RAD50: variants seen among roughly 807,000 people sequenced by gnomAD.
The protein encoded by RAD50 is DNA repair protein RAD50.
Under a neutral mutation model 168.8 loss-of-function variants are expected in RAD50, and 132 were observed. The observed-to-expected ratio is 0.78, with a 90% confidence interval of 0.68 to 0.90. RAD50 has a LOEUF of 0.90. RAD50 is among the 40% of genes least tolerant of loss of function. The probability of loss-of-function intolerance (pLI) is 0.00; values close to 1 mark genes in which losing one functional copy is unlikely to be tolerated. For missense variants in RAD50, 1,347 were observed against 1,534.4 expected, an observed-to-expected ratio of 0.88 and a Z score of 2.04; for synonymous variants, 525 against 497.4, an observed-to-expected ratio of 1.06 and a Z score of -0.74.
At chr5:132,561,089 T>G in intron 2 of RAD50, among the ~76,000 whole-genome samples, 1 of 152,240 alleles carries the variant, frequency 6.6e-6, no homozygotes, top group East Asian at 1.9e-4. Flanking sequence ...TGGCTATTTC[T>G]TTTTTAAAAT....
At chr5:132,587,001 C>T (rs531392959) in intron 5 of RAD50, among the ~76,000 whole-genome samples, 1 of 152,270 alleles carries the variant, frequency 6.6e-6, no homozygotes, top group South Asian at 2.1e-4. Context: ...TGCCCCGAAC[C>T]AGATCCCAGT....
At chr5:132,619,815 C>CTA (rs371995991) in intron 21 of RAD50, among the ~76,000 whole-genome samples, 1 of 118,360 alleles carries the variant, frequency 8.4e-6, no homozygotes, top group African/African-American at 3.8e-5. Context: ...TCTCTCTACT[C>CTA]CTCTCTCTCT....
chr5:132,642,288 G>C lies in RAD50; in HGVS notation c.3863G>C (p.Arg1288Thr), dbSNP rs202098299. The stretch of plus-strand genomic sequence containing the variant: ...TCTGAATATGTGGAGAAATTCTACA[G>C]GATTAAAAAGAACATCGATCAGTGC... ...GRSEYVEKFY[R>T]IKKNIDQCSE... Residue 1288 changes from arginine to threonine, a missense_variant, in exon 25 of 25, where the codon AGG (arginine) becomes ACG (threonine). Physicochemically the swap from Arg to Thr is moderately conservative, Grantham distance 71 (BLOSUM62 -1). Coordinates refer to ENST00000378823, the MANE Select transcript of RAD50 (RefSeq NM_005732.4). The C allele has an allele frequency of 1.2e-6, 2 of 1,613,856 alleles. No individual in the cohort carries two copies. The highest frequency in any genetic ancestry group is 2.2e-5 in the South Asian group (2 of 91,072).
chr5:132,638,973 T>A (rs554782193), intron 23 of RAD50, among the ~76,000 whole-genome samples: 17 of 152,380 alleles, frequency 1.1e-4, no homozygotes, highest in South Asian at 2.1e-4. Context: ...CTCTAGGCCC[T>A]TGACTTTTTT....
At chr5:132,586,286 A>G (rs765987070) in intron 5 of RAD50, among the ~76,000 whole-genome samples, 2 of 152,168 alleles carry the variant, frequency 1.3e-5, no homozygotes, top group Non-Finnish European at 2.9e-5. Flanking sequence ...CCCAATCTTA[A>G]CTATACAATT....
In RAD50 at chr5:132,589,947, G is replaced by T; in HGVS notation, c.1452+110G>T. 3.9e-6 allele frequency: 4 copies of T among 1,025,178 alleles called. No homozygotes were observed. The South Asian group carries it at 6.4e-5, about 16-fold the overall frequency. The allele number at this position is 1,025,178 out of a possible 1,614,324, so 63.5% of individuals were successfully genotyped here. On this transcript the variant is annotated intron_variant, in intron 9 of 24. Transcript: ENST00000378823. ...GCATTTTAATAAAAACATCAACTTT[G>T]TCTTATTCTCATGTAAAATGAATTC...
intron 4 of RAD50, 152 bp downstream of exon 4, chr5:132,579,654 T>C (rs1750469048): frequency 1.1e-6 from 1 of 870,178 alleles, no homozygotes; most frequent in Non-Finnish European, 1.8e-6. Context: ...CATATTTTCT[T>C]TCACTTGTCT....
At chr5:132,616,921 T>G (rs1751187332) in intron 20 of RAD50, among the ~76,000 whole-genome samples, 1 of 152,256 alleles carries the variant, frequency 6.6e-6, no homozygotes, top group Non-Finnish European at 1.5e-5. Flanking sequence ...AATTTTAATT[T>G]ATAAAGCCTA....
chr5:132,557,678 TAAG>T (rs1244648280), intron 1 of RAD50, among the ~76,000 whole-genome samples: 1 of 152,132 alleles, frequency 6.6e-6, no homozygotes, highest in African/African-American at 2.4e-5. Flanking sequence ...AAGGTTTACT[TAAG>T]AATCCCACGA....
intron 2 of RAD50, among the ~76,000 whole-genome samples, chr5:132,569,259 C>T (rs1750260252): frequency 6.6e-6 from 1 of 151,660 alleles, no homozygotes; most frequent in Non-Finnish European, 1.5e-5. Context: ...TTTAAAAACC[C>T]AAATAAACGG....
In RAD50 at chr5:132,588,735, G is replaced by C. The variant is rs1750642114; in HGVS notation, c.1100G>C (p.Arg367Thr). ...CGCCATCAAGAACATATCCGAGCTA[G>C]AGATTCATTAATTCAGTCTTTGGCA... The part of the protein sequence containing the change: ...ADRHQEHIRA[R>T]DSLIQSLATQ... The change falls in exon 8 of 25, where the codon AGA becomes ACA. Residue 367 changes from arginine to threonine, a missense_variant. This residue lies in a region of RAD50 where 703 missense variants were observed against 767.7 expected (regional missense o/e 0.92). Coordinates refer to ENST00000378823, the MANE Select transcript of RAD50 (RefSeq NM_005732.4). 6.2e-7 allele frequency: 1 copy of C among 1,613,760 alleles called. No individual in the cohort carries two copies. Among genetic ancestry groups the C allele is most frequent in the Admixed American group, 1.7e-5 (1 of 59,990 alleles).
In RAD50 at chr5:132,639,849, T is replaced by G. The variant is rs76006352; in HGVS notation, c.3619-823T>G. Among the ~76,000 whole-genome samples, 1,008 of 152,302 alleles carry G rather than the reference T, an allele frequency of 6.6e-3. 8 individuals are homozygous for G. Among genetic ancestry groups the G allele is most frequent in the Non-Finnish European group, 7.6e-3 (520 of 68,004 alleles). On this transcript the variant is annotated intron_variant, in intron 23 of 24. Transcript: ENST00000378823. ...CACAGGGCCAAGCTGTGGCCCTGTC[T>G]TCTGGCTTGCCTAGGCATTAAAGAA...
chr5:132,637,706 G>A (rs1006957306), intron 22 of RAD50, among the ~76,000 whole-genome samples: 14 of 152,010 alleles, frequency 9.2e-5, no homozygotes, highest in African/African-American at 3.1e-4. Flanking sequence ...CTAATTTTTT[G>A]TATTCTTAGT....
At chr5:132,595,901 AG>A (rs1018720188) in intron 13 of RAD50, 91 bp downstream of exon 13, 29 of 1,170,474 alleles carry the variant, frequency 2.5e-5, no homozygotes, top group Non-Finnish European at 3.5e-5. Flanking sequence ...TTACTCAGTA[AG>A]GACTCTGAGC....
chr5:132,635,831 G>C (rs1751570276), intron 21 of RAD50, among the ~76,000 whole-genome samples: 1 of 152,144 alleles, frequency 6.6e-6, no homozygotes, highest in East Asian at 1.9e-4. Flanking sequence ...GAAATACTTA[G>C]ATGTTTTGTC....
chr5:132,639,122 C>T (rs571608441), intron 23 of RAD50, among the ~76,000 whole-genome samples: 7 of 151,976 alleles, frequency 4.6e-5, no homozygotes, highest in South Asian at 2.1e-4. Context: ...TTTGGAAGGC[C>T]GAGGCGGGCA....
rs1554098428 is a variant in RAD50, at chr5:132,591,409, A to G, written c.1635+3A>G. 2 of 1,612,006 alleles carry G rather than the reference A, an allele frequency of 1.2e-6. No homozygotes were observed. The highest frequency in any genetic ancestry group is 1.7e-6 in the Non-Finnish European group (2 of 1,178,486). On this transcript the variant is annotated splice_donor_region_variant and intron_variant, in intron 10 of 24. Transcript: ENST00000378823. The stretch of plus-strand genomic sequence containing the variant: ...TGGAGATGCTGACCAAAGACAAAGT[A>G]TGATTTTTCTTTTTGTTCTAATTAT...
In RAD50 at chr5:132,638,090, A is replaced by T. The variant is rs1554100943; in HGVS notation, c.3485A>T (p.Tyr1162Phe). ...RSTYRGQDIEYIEIRSDADEN... is the reference protein window; with the variant it reads ...RSTYRGQDIEFIEIRSDADEN... The stretch of plus-strand genomic sequence containing the variant: ...CTTCTTCCTGTGTCAGATATTGAAT[A>T]CATAGAAATACGGTCTGATGCCGAT... Residue 1162 changes from tyrosine (Y) to phenylalanine (F), a missense_variant, in exon 23 of 25, where the codon TAC (tyrosine) becomes TTC (phenylalanine). By Grantham distance (22) the Tyr-to-Phe change is conservative (BLOSUM62 3). Coordinates refer to ENST00000378823, the MANE Select transcript of RAD50 (RefSeq NM_005732.4). 6.2e-7 allele frequency: 1 copy of T among 1,614,108 alleles called. No individual in the cohort carries two copies. Among genetic ancestry groups the T allele is most frequent in the African/African-American group, 1.3e-5 (1 of 75,060 alleles).
intron 13 of RAD50, among the ~76,000 whole-genome samples, chr5:132,598,691 A>C (rs1328568537): frequency 1.3e-5 from 2 of 152,204 alleles, no homozygotes; most frequent in African/African-American, 2.4e-5. Context: ...TGGGGCTGTC[A>C]AAATAGGACA....
Sources: gnomAD v4.1 joint callset for allele counts (sites outside exome capture counted in the v4.1 genomes callset) on GRCh38, gnomAD v4.1.1 for gene constraint, gnomAD v4.1.1 regional missense constraint, MANE v1.5 for transcripts, NCBI Gene and HGNC (gene_info 2026-07-23, HGNC 2026-07-21) for gene names.